The following SUMF1 variants were observed in gnomAD, a reference collection of about 807,000 sequenced individuals.
The protein encoded by SUMF1 is sulfatase modifying factor 1, also known as formylglycine-generating enzyme.
SUMF1 carries 48 observed loss-of-function variants against 47.6 expected under a neutral mutation model. The observed-to-expected ratio is 1.01, with a 90% CI of 0.80 to 1.28. The LOEUF is 1.28. Ranked by LOEUF, SUMF1 falls within the 50% of genes most tolerant of loss-of-function variation. The pLI, the probability that SUMF1 is intolerant of heterozygous loss-of-function variation, is 0.00. For synonymous variants in SUMF1, 230 were observed against 192.1 expected, an observed-to-expected ratio of 1.20 and a Z score of -1.63; for missense variants, 571 against 485.4, an observed-to-expected ratio of 1.18 and a Z score of -1.66.
intron 1 of SUMF1, 28 bp from the exon 2 acceptor site, chr3:4,453,077 T>C: frequency 6.2e-7 from 1 of 1,601,494 alleles, no homozygotes; most frequent in Non-Finnish European, 8.5e-7. Context: ...ACACAGGAAG[T>C]CATGCATCAC....
intron 8 of SUMF1, among the ~76,000 whole-genome samples, chr3:4,274,725 A>G (rs1016385191): frequency 6.6e-6 from 1 of 152,178 alleles, no homozygotes; most frequent in Non-Finnish European, 1.5e-5. Context: ...AATCTCTGGA[A>G]ATAAAAAGCT....
At chr3:4,305,478 G>A (rs1456061258) in intron 8 of SUMF1, among the ~76,000 whole-genome samples, 2 of 152,080 alleles carry the variant, frequency 1.3e-5, no homozygotes, top group African/African-American at 4.8e-5. Flanking sequence ...AACTTAAAAA[G>A]GTGCCTCGGT....
At chr3:4,182,692 T>G (rs1325065171) in intron 8 of SUMF1, among the ~76,000 whole-genome samples, 9 of 152,110 alleles carry the variant, frequency 5.9e-5, no homozygotes, top group African/African-American at 2.2e-4. Context: ...TCAGGCATGA[T>G]GGCAGGACAA....
intron 7 of SUMF1, 65 bp downstream of exon 7, chr3:4,410,800 G>C: frequency 7.1e-7 from 1 of 1,410,358 alleles, no homozygotes; most frequent in Non-Finnish European, 1.0e-6. Context: ...TGACAGCCTG[G>C]CTGCAGACTG....
In SUMF1 at chr3:4,271,993, G is replaced by C. The variant is rs188744154; in HGVS notation, c.1014+104337C>G. Among the ~76,000 whole-genome samples the C allele has an allele frequency of 1.3e-3, 197 of 152,204 alleles. 1 individual carries two copies. Among genetic ancestry groups the C allele is most frequent in the African/African-American group, 3.7e-3 (153 of 41,524 alleles). On this transcript the variant is annotated intron_variant and NMD_transcript_variant, in intron 8 of 12. Coordinates refer to the SUMF1 transcript ENST00000448413. ...TAAGAACAAAGTGCTGGGAATCTCT[G>C]TCATAATTAAATTCTTCTTTATCTC...
At chr3:4,441,714 G>A (rs937266403) in intron 3 of SUMF1, among the ~76,000 whole-genome samples, 14 of 151,928 alleles carry the variant, frequency 9.2e-5, no homozygotes, top group African/African-American at 3.1e-4. Context: ...TTATTACTTC[G>A]ATAATAATAC....
intron 8 of SUMF1, among the ~76,000 whole-genome samples, chr3:4,329,053 G>GC (rs1393876689): frequency 6.6e-6 from 1 of 152,228 alleles, no homozygotes; most frequent in African/African-American, 2.4e-5. Flanking sequence ...TCATGCTGAT[G>GC]CAAGAGGTGG....
At chr3:4,406,553 G>C (rs1326729217) in intron 7 of SUMF1, among the ~76,000 whole-genome samples, 1 of 152,134 alleles carries the variant, frequency 6.6e-6, no homozygotes. Flanking sequence ...CCAGCTATTC[G>C]GGAGGCTGAG....
At chr3:4,328,580 A>T (rs1015873845) in intron 8 of SUMF1, among the ~76,000 whole-genome samples, 2 of 152,150 alleles carry the variant, frequency 1.3e-5, no homozygotes, top group Non-Finnish European at 2.9e-5. Context: ...AGTATGGGGG[A>T]AACTGCCTCC....
At chr3:4,077,015 A>G (rs1692454133) in intron 8 of SUMF1, among the ~76,000 whole-genome samples, 1 of 152,006 alleles carries the variant, frequency 6.6e-6, no homozygotes. Flanking sequence ...AAAAAGAAAA[A>G]AAAAGAAGAC....
At chr3:4,224,411 C>T (rs1257518847) in intron 8 of SUMF1, among the ~76,000 whole-genome samples, 1 of 152,002 alleles carries the variant, frequency 6.6e-6, no homozygotes, top group African/African-American at 2.4e-5. Context: ...AAGTTTTTGG[C>T]TCCCTAGCAT....
At chr3:4,429,441 C>T (rs711655) in intron 3 of SUMF1, among the ~76,000 whole-genome samples, 35,921 of 152,128 alleles carry the variant, frequency 0.24, 5,104 homozygotes, top group Non-Finnish European at 0.32. Flanking sequence ...TTTTTCACGC[C>T]TTACAAGCTC....
intron 8 of SUMF1, among the ~76,000 whole-genome samples, chr3:4,259,692 T>C (rs13073207): frequency 0.38 from 58,312 of 152,032 alleles, 11,715 homozygotes; most frequent in Non-Finnish European, 0.45. Flanking sequence ...TATTCAACTC[T>C]CTTTGCCTAG....
chr3:4,051,430 C>G lies in SUMF1; in HGVS notation c.1191+17139G>C, dbSNP rs1695108861. On this transcript the variant is annotated intron_variant and NMD_transcript_variant, in intron 9 of 12. Transcript: ENST00000448413. ...CACAGCCTTCCTGCTCCTCTACTGT[C>G]CACACTCGCTCAAGTGTGCGATCCA... 2.6e-5 allele frequency among the ~76,000 whole-genome samples: 4 copies of G among 152,246 alleles called. No individual in the cohort carries two copies. In the South Asian group the frequency reaches 8.3e-4, roughly 32 times the overall value.
chr3:4,403,032 T>C (rs1363600608), intron 7 of SUMF1, among the ~76,000 whole-genome samples: 1 of 152,196 alleles, frequency 6.6e-6, no homozygotes, highest in Non-Finnish European at 1.5e-5. Context: ...GTGCCTGTAG[T>C]ACCAGTAGGA....
chr3:4,440,031 C>G (rs899385737), intron 3 of SUMF1, among the ~76,000 whole-genome samples: 1 of 151,882 alleles, frequency 6.6e-6, no homozygotes, highest in Non-Finnish European at 1.5e-5. Flanking sequence ...GTCAGAAATT[C>G]GAGACCAGCC....
intron 8 of SUMF1, among the ~76,000 whole-genome samples, chr3:4,151,701 TAA>T (rs34007844): frequency 2.9e-5 from 4 of 138,136 alleles, no homozygotes; most frequent in Admixed American, 7.2e-5. Flanking sequence ...GCTGATGAGC[TAA>T]AAAAAAAAAA....
chr3:4,054,185 T>A (rs183834777), intron 9 of SUMF1, among the ~76,000 whole-genome samples: 97 of 152,164 alleles, frequency 6.4e-4, no homozygotes, highest in African/African-American at 2.2e-3. Flanking sequence ...TTTAAATAAA[T>A]GAACACAGGC....
chr3:4,362,821 G>C (rs577330035), intron 8 of SUMF1, among the ~76,000 whole-genome samples: 1 of 152,206 alleles, frequency 6.6e-6, no homozygotes, highest in East Asian at 1.9e-4. Flanking sequence ...GGTTGAAGTG[G>C]GAAGATCTCT....
Sources: gnomAD v4.1 joint callset for allele counts (sites outside exome capture counted in the v4.1 genomes callset) on GRCh38, gnomAD v4.1.1 for gene constraint, MANE v1.5 for transcripts, NCBI Gene and HGNC (gene_info 2026-07-23, HGNC 2026-07-21) for gene names.